Variants in ARHGEF28 observed in about 807,000 individuals in gnomAD.
ARHGEF28 encodes the protein Rho guanine nucleotide exchange factor 28.
Under a neutral mutation model 206.6 loss-of-function variants are expected in ARHGEF28, and 152 were observed. The observed-to-expected ratio is 0.74, with a 90% CI of 0.64 to 0.84. ARHGEF28 has a LOEUF of 0.84. ARHGEF28 is among the 40% of genes least tolerant of loss of function. ARHGEF28 has a pLI of 0.00. For missense variants in ARHGEF28, 2,028 were observed against 2,073.2 expected, an observed-to-expected ratio of 0.98 and a Z score of 0.42; for synonymous variants, 763 against 776.4, an observed-to-expected ratio of 0.98 and a Z score of 0.29.
In ARHGEF28 at chr5:73,857,680, A is replaced by C. The variant is rs750444764; in HGVS notation, c.1815A>C (p.Lys605Asn). ...GAATTCAGGAAGAAGAATGGGATAA[A>C]TACATCATACCTGCCAAATCAGAGT... ...ENRIQEEEWD[K>N]YIIPAKSESE... Residue 605 changes from lysine (K) to asparagine (N), a missense_variant, in exon 15 of 36, where the codon AAA becomes AAC. Lys to Asn is a moderately conservative substitution (Grantham distance 94). Coordinates refer to ENST00000513042, the MANE Select transcript of ARHGEF28 (RefSeq NM_001177693.2). 3.9e-5 allele frequency: 62 copies of C among 1,591,546 alleles called. No homozygotes were observed. Among genetic ancestry groups the C allele is most frequent in the Admixed American group, 3.7e-4 (21 of 57,104 alleles).
rs1763972151 is a variant in ARHGEF28, at chr5:73,929,052, C to T, written c.4949-11792C>T. 2.0e-5 allele frequency among the ~76,000 whole-genome samples: 3 copies of T among 152,220 alleles called. No homozygotes were observed. The South Asian group carries it at 6.2e-4, about 31-fold the overall frequency. The stretch of plus-strand genomic sequence containing the variant: ...CCAGGTTCATGCCATTCTCCTGCCT[C>T]AGCCTCCTGAGAAAAGTTCCTACTT... On this transcript the variant is annotated intron_variant, in intron 35 of 35. Coordinates refer to ENST00000513042, the MANE Select transcript of ARHGEF28 (RefSeq NM_001177693.2).
chr5:73,926,659 C>A (rs1204119858), intron 35 of ARHGEF28, among the ~76,000 whole-genome samples: 1 of 152,196 alleles, frequency 6.6e-6, no homozygotes, highest in East Asian at 1.9e-4. Flanking sequence ...ACACCCTGGG[C>A]AGCTTTCAAG....
chr5:73,860,754 A>T (rs144815471), intron 16 of ARHGEF28, among the ~76,000 whole-genome samples: 87 of 152,136 alleles, frequency 5.7e-4, no homozygotes, highest in African/African-American at 2.0e-3. Flanking sequence ...AGCCCACATA[A>T]ACTTAAGGAC....
chr5:73,893,506 A>C, intron 28 of ARHGEF28: 1 of 421,104 alleles, frequency 2.4e-6, no homozygotes, highest in East Asian at 3.6e-5. Context: ...TAAAAAATGC[A>C]CATAACATAT....
chr5:73,831,042 C>T lies in ARHGEF28; in HGVS notation c.1025-1296C>T, dbSNP rs76845862. Among the ~76,000 whole-genome samples the T allele has an allele frequency of 5.6e-3, 852 of 152,214 alleles. 8 individuals carry two copies. Among genetic ancestry groups the T allele is most frequent in the African/African-American group, 0.019 (788 of 41,526 alleles). ...AAACATACTGAAAATCTGTTATTAC[C>T]ATAACACACTATGATTAGTATTAAT... On this transcript the variant is annotated intron_variant, in intron 9 of 35. Coordinates refer to ENST00000513042, the MANE Select transcript of ARHGEF28 (RefSeq NM_001177693.2).
intron 35 of ARHGEF28, among the ~76,000 whole-genome samples, chr5:73,937,848 T>C (rs1764503651): frequency 6.6e-6 from 1 of 152,154 alleles, no homozygotes; most frequent in African/African-American, 2.4e-5. Flanking sequence ...TTGAGAAATA[T>C]ACAATTGCTG....
chr5:73,654,648 C>T (rs1745062928), intron 1 of ARHGEF28, among the ~76,000 whole-genome samples: 1 of 152,188 alleles, frequency 6.6e-6, no homozygotes, highest in Non-Finnish European at 1.5e-5. Context: ...AGTCATCAGA[C>T]TTTTCTTGCC....
At chr5:73,642,624 A>G (rs1744189785) in intron 1 of ARHGEF28, among the ~76,000 whole-genome samples, 1 of 151,592 alleles carries the variant, frequency 6.6e-6, no homozygotes, top group East Asian at 1.9e-4. Context: ...GTTCTACCAC[A>G]CTGAGCTTGT....
intron 1 of ARHGEF28, among the ~76,000 whole-genome samples, chr5:73,680,111 G>A (rs1746968361): frequency 6.6e-6 from 1 of 152,066 alleles, no homozygotes; most frequent in South Asian, 2.1e-4. Flanking sequence ...TACTTGAACA[G>A]TTTTCGATAG....
intron 35 of ARHGEF28, among the ~76,000 whole-genome samples, chr5:73,912,236 G>C (rs1292509334): frequency 3.9e-5 from 6 of 152,090 alleles, no homozygotes; most frequent in Non-Finnish European, 8.8e-5. Flanking sequence ...GTTTTCTGGG[G>C]GATATGAGGT....
intron 1 of ARHGEF28, among the ~76,000 whole-genome samples, chr5:73,679,664 T>C (rs1017502324): frequency 6.6e-6 from 1 of 151,672 alleles, no homozygotes; most frequent in African/African-American, 2.4e-5. Context: ...CTTATTAAAA[T>C]ATCACTTTTT....
Position 73,882,542 on chromosome 5 carries a change from T to C in ARHGEF28, c.2885T>C (p.Val962Ala). 1 of 1,516,026 alleles carries C rather than the reference T, an allele frequency of 6.6e-7. No individual in the cohort carries two copies. Among genetic ancestry groups the C allele is most frequent in the African/African-American group, 1.4e-5 (1 of 71,736 alleles). The allele number at this position is 1,516,026 out of a possible 1,614,324, so 93.9% of individuals were successfully genotyped here. A position where few individuals can be genotyped will look rare whatever the true frequency, so the allele number is the denominator to read the frequency against. Reference sequence around the variant, plus strand: ...TTCTGTTGCCATCATAAAGAAGCTGTTAACCTCTTTAAAGAACTCCAGCAG... The same window carrying C: ...TTCTGTTGCCATCATAAAGAAGCTGCTAACCTCTTTAAAGAACTCCAGCAG... ...GEFCCHHKEA[V>A]NLFKELQQNK... is the part of the protein sequence containing the mutation. The change falls in exon 23 of 36, where the codon GTT (valine) becomes GCT (alanine). Residue 962 changes from valine (V) to alanine (A), a missense_variant. Around this residue, in one of 3 missense-constraint regions of ARHGEF28, gnomAD observed 223 missense variants for 289.9 expected, o/e 0.77. Coordinates refer to ENST00000513042, the MANE Select transcript of ARHGEF28 (RefSeq NM_001177693.2).
intron 1 of ARHGEF28, among the ~76,000 whole-genome samples, chr5:73,633,144 G>A (rs955412755): frequency 6.6e-6 from 1 of 152,128 alleles, no homozygotes; most frequent in African/African-American, 2.4e-5. Flanking sequence ...CCACTGCTCG[G>A]ACGGGAGGTG....
At chr5:73,747,957 G>A (rs984277010) in intron 2 of ARHGEF28, among the ~76,000 whole-genome samples, 1 of 152,154 alleles carries the variant, frequency 6.6e-6, no homozygotes, top group Non-Finnish European at 1.5e-5. Flanking sequence ...TCGTTGTTTT[G>A]AATAGATGCA....
chr5:73,838,309 G>T (rs558826277), intron 10 of ARHGEF28, among the ~76,000 whole-genome samples: 46 of 152,066 alleles, frequency 3.0e-4, no homozygotes, highest in African/African-American at 1.1e-3. Flanking sequence ...ACAATGTAAG[G>T]AATACAAATT....
chr5:73,716,615 G>A (rs1212408110), intron 2 of ARHGEF28, among the ~76,000 whole-genome samples: 1 of 152,048 alleles, frequency 6.6e-6, no homozygotes, highest in African/African-American at 2.4e-5. Context: ...GCTTTGTTGT[G>A]GATACACCAC....
chr5:73,819,317 A>G (rs1466644077), intron 9 of ARHGEF28, among the ~76,000 whole-genome samples: 1 of 152,176 alleles, frequency 6.6e-6, no homozygotes, highest in East Asian at 1.9e-4. Context: ...CTCTGGCCAT[A>G]GGTCCAAATG....
intron 33 of ARHGEF28, chr5:73,908,970 G>C (rs1456756747): frequency 1.3e-5 from 2 of 153,908 alleles, no homozygotes; most frequent in Admixed American, 6.5e-5. Context: ...GGACTCAAAG[G>C]AAGGATACTA....
intron 22 of ARHGEF28, among the ~76,000 whole-genome samples, chr5:73,876,170 C>G (rs1316269298): frequency 2.1e-5 from 3 of 146,080 alleles, no homozygotes; most frequent in Non-Finnish European, 3.0e-5. Flanking sequence ...GTATTTTATT[C>G]TCTTTGAAGC....
Sources: allele counts gnomAD v4.1 joint callset (sites outside exome capture counted in the v4.1 genomes callset), GRCh38; gene constraint gnomAD v4.1.1; regional missense constraint gnomAD v4.1.1; transcripts MANE v1.5; gene names NCBI Gene and HGNC (gene_info 2026-07-23, HGNC 2026-07-21).